The following ADGRV1 variants were observed in gnomAD, a reference collection of about 807,000 sequenced individuals.
The protein encoded by ADGRV1 is G-protein coupled receptor 98.
In ADGRV1, 359 loss-of-function variants were observed where a neutral mutation model predicts 596.2. The observed-to-expected ratio is 0.60, with a 90% CI of 0.55 to 0.66. The LOEUF (loss-of-function observed/expected upper bound fraction) is 0.66, where lower values mean the gene tolerates loss of function less well. Among genes scored for constraint, ADGRV1 ranks in the 30% least tolerant of loss-of-function variants. ADGRV1 has a pLI of 0.00. For synonymous variants in ADGRV1, 2,681 were observed against 2,679.2 expected (o/e 1.00, Z -0.02); for missense variants, 7,274 against 7,575.6 (o/e 0.96, Z 1.48).
chr5:90,715,655 CTTTTTTTT>C (rs33954808), intron 42 of ADGRV1, among the ~76,000 whole-genome samples: 1 of 148,466 alleles, frequency 6.7e-6, no homozygotes, highest in African/African-American at 2.5e-5. Context: ...GTCTACTTTT[CTTTTTTTT>C]TTTTAAATAG....
chr5:90,692,802 A>G lies in ADGRV1; in HGVS notation c.7133+16A>G, dbSNP rs781751306. 10 of 1,561,734 alleles carry G rather than the reference A, an allele frequency of 6.4e-6. No homozygotes were observed. The highest frequency in any genetic ancestry group is 8.7e-6 in the Non-Finnish European group (10 of 1,154,986). ...TCAGGCGAAGGTATATGAGATAGCTACTTGCCTCTGTGGGAGTGATGAGAA... is the reference window on the plus strand; with the variant it reads ...TCAGGCGAAGGTATATGAGATAGCTGCTTGCCTCTGTGGGAGTGATGAGAA... On this transcript the variant is annotated intron_variant, in intron 32 of 89. Transcript: ENST00000405460.
chr5:90,731,169 A>G (rs1005780867), intron 50 of ADGRV1, among the ~76,000 whole-genome samples: 4 of 152,172 alleles, frequency 2.6e-5, no homozygotes, highest in African/African-American at 9.7e-5. Flanking sequence ...TATAGAAAGC[A>G]TGCTTTGGGA....
chr5:90,609,645 T>C (rs926020122), intron 1 of ADGRV1, among the ~76,000 whole-genome samples: 8 of 152,014 alleles, frequency 5.3e-5, no homozygotes, highest in African/African-American at 1.9e-4. Context: ...AGTTTTAGAA[T>C]GCCCCTTAGT....
chr5:90,994,810 A>G (rs1300341878), intron 85 of ADGRV1, among the ~76,000 whole-genome samples: 1 of 152,154 alleles, frequency 6.6e-6, no homozygotes, highest in African/African-American at 2.4e-5. Flanking sequence ...TCTCTGTTTC[A>G]TTAATTTAGT....
chr5:91,040,068 A>G (rs1785217145), intron 85 of ADGRV1, among the ~76,000 whole-genome samples: 1 of 152,176 alleles, frequency 6.6e-6, no homozygotes, highest in Non-Finnish European at 1.5e-5. Context: ...TGTCCATGCA[A>G]AATAAAGCCC....
At chr5:91,074,598 A>G (rs1370324399) in intron 86 of ADGRV1, among the ~76,000 whole-genome samples, 1 of 152,132 alleles carries the variant, frequency 6.6e-6, no homozygotes, top group African/African-American at 2.4e-5. Flanking sequence ...GGTTGATTTC[A>G]TGTCTTTGCT....
intron 53 of ADGRV1, among the ~76,000 whole-genome samples, chr5:90,751,334 G>T (rs1011429222): frequency 6.6e-6 from 1 of 152,098 alleles, no homozygotes; most frequent in African/African-American, 2.4e-5. Context: ...CCCCATTTTA[G>T]CAGTCCTTGG....
At chr5:90,923,705 G>T (rs1774111387) in intron 83 of ADGRV1, among the ~76,000 whole-genome samples, 1 of 152,014 alleles carries the variant, frequency 6.6e-6, no homozygotes, top group Non-Finnish European at 1.5e-5. Flanking sequence ...ATGTATACAT[G>T]TGCCATGCTG....
intron 57 of ADGRV1, among the ~76,000 whole-genome samples, chr5:90,758,571 G>A (rs894640178): frequency 1.3e-5 from 2 of 152,168 alleles, no homozygotes; most frequent in Admixed American, 6.5e-5. Flanking sequence ...CAGATTTGAG[G>A]TGCAGGCAAT....
At chr5:90,819,783 GT>G (rs1408961381) in intron 75 of ADGRV1, among the ~76,000 whole-genome samples, 5 of 152,112 alleles carry the variant, frequency 3.3e-5, no homozygotes, top group African/African-American at 1.2e-4. Flanking sequence ...CTGAGAGATA[GT>G]TTGTTATAAT....
intron 1 of ADGRV1, among the ~76,000 whole-genome samples, chr5:90,609,977 A>T (rs917029052): frequency 6.6e-6 from 1 of 151,860 alleles, no homozygotes; most frequent in East Asian, 1.9e-4. Flanking sequence ...TTGAATTATG[A>T]CTTTCTTTCA....
At chr5:90,857,448 A>G (rs1581342064) in intron 82 of ADGRV1, among the ~76,000 whole-genome samples, 1 of 152,146 alleles carries the variant, frequency 6.6e-6, no homozygotes, top group East Asian at 1.9e-4. Context: ...TTTATAGAAA[A>G]CTAGTAGGAC....
At chr5:90,625,103 T>A (rs1381716010) in intron 5 of ADGRV1, 27 bp from the exon 6 acceptor site, 1 of 1,376,328 alleles carries the variant, frequency 7.3e-7, no homozygotes, top group East Asian at 2.3e-5. Flanking sequence ...TTTGCATTTA[T>A]TGATGGCATT....
At chr5:90,714,628 T>C (rs966962489) in intron 42 of ADGRV1, among the ~76,000 whole-genome samples, 1 of 152,076 alleles carries the variant, frequency 6.6e-6, no homozygotes, top group Non-Finnish European at 1.5e-5. Flanking sequence ...TCATTGGTAG[T>C]GTGTGAGGCA....
Position 90,840,801 on chromosome 5 carries a change from A to C in ADGRV1, c.16835A>C (p.Tyr5612Ser). The C allele has an allele frequency of 6.2e-7, 1 of 1,613,922 alleles. No homozygotes were observed. Among genetic ancestry groups the C allele is most frequent in the East Asian group, 2.2e-5 (1 of 44,872 alleles). ...GGTGGTGCCAGAATTGATAAAGTGT[A>C]TGGGACTGCCAACATCACTCTTGTC... is the stretch of plus-strand genomic sequence containing the variant. ...PKGGARIDKV[Y>S]GTANITLVSD... The change falls in exon 78 of 90, where the codon TAT (tyrosine) becomes TCT (serine). Residue 5612 changes from tyrosine (Y) to serine (S), a missense_variant. Physicochemically the swap from Tyr to Ser is moderately radical, Grantham distance 144. Coordinates refer to ENST00000405460, the MANE Select transcript of ADGRV1 (RefSeq NM_032119.4).
chr5:90,574,431 G>C (rs1756945875), intron 1 of ADGRV1, among the ~76,000 whole-genome samples: 1 of 152,050 alleles, frequency 6.6e-6, no homozygotes, highest in African/African-American at 2.4e-5. Flanking sequence ...GTGGGATTCT[G>C]TTCTTGATTT....
intron 5 of ADGRV1, among the ~76,000 whole-genome samples, chr5:90,623,588 T>G (rs1355749772): frequency 6.6e-6 from 1 of 152,042 alleles, no homozygotes; most frequent in Non-Finnish European, 1.5e-5. Context: ...AGTTTTAATG[T>G]TTTTTGTAGA....
At chr5:90,594,508 ATCATTC>A (rs1759986972) in intron 1 of ADGRV1, among the ~76,000 whole-genome samples, 2 of 78,178 alleles carry the variant, frequency 2.6e-5, no homozygotes, top group African/African-American at 9.3e-5. Flanking sequence ...TTTTTTTTTA[ATCATTC>A]TTGGGTGTTT....
At chr5:90,693,821 A>C in intron 32 of ADGRV1, 69 bp from the exon 33 acceptor site, 46 of 1,030,870 alleles carry the variant, frequency 4.5e-5, no homozygotes, top group Non-Finnish European at 5.8e-5. Context: ...CACAGTCAGC[A>C]TTCCTCTTCT....
Sources: allele counts gnomAD v4.1 joint callset (sites outside exome capture counted in the v4.1 genomes callset), GRCh38; gene constraint gnomAD v4.1.1; transcripts MANE v1.5; gene names NCBI Gene and HGNC (gene_info 2026-07-23, HGNC 2026-07-21).